The following PGCKA1 variants were observed in gnomAD, a reference collection of about 807,000 sequenced individuals.
PGCKA1 encodes PDCD10 and GCKIII kinases associated 1.
chr4:37,542,803 T>C, the PGCKA1 span, among the ~76,000 whole-genome samples: 2 of 152,196 alleles, frequency 1.3e-5, no homozygotes, highest in African/African-American at 4.8e-5. Context: ...TTTCATAGTG[T>C]TTTGCCTATA....
chr4:37,542,232 T>C, the PGCKA1 span, among the ~76,000 whole-genome samples: 1 of 152,190 alleles, frequency 6.6e-6, no homozygotes, highest in African/African-American at 2.4e-5. Context: ...GCATTTACCC[T>C]GCACCACTAT....
the PGCKA1 span, among the ~76,000 whole-genome samples, chr4:37,468,926 C>T: frequency 1.3e-5 from 2 of 152,050 alleles, no homozygotes; most frequent in Admixed American, 1.3e-4. Context: ...TATGATATTC[C>T]TTTAAATTGT....
the PGCKA1 span, among the ~76,000 whole-genome samples, chr4:37,479,498 A>C: frequency 6.6e-6 from 1 of 152,222 alleles, no homozygotes; most frequent in Non-Finnish European, 1.5e-5. Context: ...TTAATGAAAT[A>C]ATCACACAAA....
the PGCKA1 span, among the ~76,000 whole-genome samples, chr4:37,550,467 G>A: frequency 6.6e-6 from 1 of 152,246 alleles, no homozygotes; most frequent in South Asian, 2.1e-4. Context: ...GATTAAAAAG[G>A]TCCTGTTTGG....
chr4:37,504,153 C>A, the PGCKA1 span, among the ~76,000 whole-genome samples: 1 of 152,118 alleles, frequency 6.6e-6, no homozygotes, highest in Admixed American at 6.5e-5. Context: ...TTGTTTCATT[C>A]TTTTGCATAT....
At chr4:37,518,970 T>G in the PGCKA1 span, among the ~76,000 whole-genome samples, 1 of 152,346 alleles carries the variant, frequency 6.6e-6, no homozygotes, top group South Asian at 2.1e-4. Flanking sequence ...AGGATTTAGT[T>G]TCACTCTTCT....
chr4:37,589,656 C>T, the PGCKA1 span, among the ~76,000 whole-genome samples: 1 of 152,184 alleles, frequency 6.6e-6, no homozygotes, highest in Non-Finnish European at 1.5e-5. Context: ...TTTTTCAAGA[C>T]TGTCTCGCTC....
chr4:37,489,338 T>C, the PGCKA1 span, among the ~76,000 whole-genome samples: 1 of 152,146 alleles, frequency 6.6e-6, no homozygotes, highest in Non-Finnish European at 1.5e-5. Context: ...TGGTCTCATT[T>C]TGGGGGAAGG....
At chr4:37,573,484 C>A in the PGCKA1 span, among the ~76,000 whole-genome samples, 1 of 152,222 alleles carries the variant, frequency 6.6e-6, no homozygotes, top group Admixed American at 6.5e-5. Flanking sequence ...CTCCACCCCA[C>A]TCTGAGATAA....
At chr4:37,566,676 T>C in the PGCKA1 span, among the ~76,000 whole-genome samples, 3 of 152,162 alleles carry the variant, frequency 2.0e-5, no homozygotes, top group Non-Finnish European at 4.4e-5. Flanking sequence ...CTCTGCCTCC[T>C]GGGTTCAAGT....
chr4:37,558,578 G>GCC, the PGCKA1 span, among the ~76,000 whole-genome samples: 3 of 151,942 alleles, frequency 2.0e-5, no homozygotes, highest in Non-Finnish European at 2.9e-5. Context: ...GGCAACAAAA[G>GCC]ATGAAATTGA....
At chr4:37,569,823 T>C in the PGCKA1 span, among the ~76,000 whole-genome samples, 1 of 152,160 alleles carries the variant, frequency 6.6e-6, no homozygotes, top group Admixed American at 6.6e-5. Flanking sequence ...GGGAGCCTTT[T>C]CCAGGGAGAA....
the PGCKA1 span, among the ~76,000 whole-genome samples, chr4:37,567,795 T>C: frequency 6.6e-6 from 1 of 152,150 alleles, no homozygotes. Flanking sequence ...AAGTCAGCGA[T>C]GTTGCACACA....
chr4:37,520,585 T>C, the PGCKA1 span, among the ~76,000 whole-genome samples: 1 of 152,096 alleles, frequency 6.6e-6, no homozygotes, highest in African/African-American at 2.4e-5. Context: ...ACCTTTGAAT[T>C]TTTACAGTAT....
chr4:37,495,147 C>T, the PGCKA1 span, among the ~76,000 whole-genome samples: 1 of 152,062 alleles, frequency 6.6e-6, no homozygotes. Flanking sequence ...CGTCACTGGT[C>T]ATTAGAGAAA....
chr4:37,507,432 G>T, the PGCKA1 span, among the ~76,000 whole-genome samples: 1 of 151,562 alleles, frequency 6.6e-6, no homozygotes, highest in Admixed American at 6.6e-5. Context: ...TTTATTTTTT[G>T]TGTATCCATT....
the PGCKA1 span, among the ~76,000 whole-genome samples, chr4:37,486,995 A>G: frequency 6.6e-6 from 1 of 152,224 alleles, no homozygotes; most frequent in Admixed American, 6.5e-5. Flanking sequence ...CAGAGATAGC[A>G]TGTATAAAGT....
chr4:37,551,247 A>G, the PGCKA1 span, among the ~76,000 whole-genome samples: 1 of 152,034 alleles, frequency 6.6e-6, no homozygotes, highest in Non-Finnish European at 1.5e-5. Context: ...CTGCCCGTAA[A>G]AGCAGGCAAA....
chr4:37,537,264 A>G, the PGCKA1 span, among the ~76,000 whole-genome samples: 1 of 152,228 alleles, frequency 6.6e-6, no homozygotes, highest in African/African-American at 2.4e-5. Context: ...CATTACATGT[A>G]TGGTGTACCT....
Sources: allele counts gnomAD v4.1 joint callset (sites outside exome capture counted in the v4.1 genomes callset), GRCh38; gene constraint gnomAD v4.1.1; transcripts MANE v1.5; gene names NCBI Gene and HGNC (gene_info 2026-07-23, HGNC 2026-07-21).